Variants in PTK7 observed in about 807,000 individuals in gnomAD.
PTK7 encodes the protein protein tyrosine kinase 7 (inactive).
A neutral mutation model predicts 116.6 loss-of-function variants in PTK7; 39 were observed. That is an observed-to-expected ratio of 0.33 (90% confidence interval 0.26 to 0.44). The LOEUF (loss-of-function observed/expected upper bound fraction) is 0.44, where lower values mean the gene tolerates loss of function less well. Among genes scored for constraint, PTK7 ranks in the 20% least tolerant of loss-of-function variants. PTK7 has a pLI of 1.00. For synonymous variants in PTK7, 546 were observed against 563.6 expected, an observed-to-expected ratio of 0.97 and a Z score of 0.44; for missense variants, 1,169 against 1,425.6, an observed-to-expected ratio of 0.82 and a Z score of 2.90.
At chr6:43,092,900 A>G (rs899398534) in intron 1 of PTK7, among the ~76,000 whole-genome samples, 1 of 152,212 alleles carries the variant, frequency 6.6e-6, no homozygotes, top group Non-Finnish European at 1.5e-5. Flanking sequence ...TGTGATGGTT[A>G]TAACTGTAAT....
At chr6:43,115,927 CAAAAAAAAA>C (rs886959744) in intron 1 of PTK7, among the ~76,000 whole-genome samples, 2 of 27,324 alleles carry the variant, frequency 7.3e-5, no homozygotes, top group Non-Finnish European at 1.5e-4. Context: ...GACTCCATCT[CAAAAAAAAA>C]AAAAAAAAAA....
chr6:43,114,399 A>T (rs1768375406), intron 1 of PTK7, among the ~76,000 whole-genome samples: 1 of 150,126 alleles, frequency 6.7e-6, no homozygotes, highest in South Asian at 2.1e-4. Context: ...TGTCTCTCTC[A>T]ATTTCTTCTG....
rs1766031777 is a variant in PTK7 at position 43,076,668 on chromosome 6, C to T, written c.79+101C>T. On this transcript the variant is annotated intron_variant, in intron 1 of 19. Transcript: ENST00000230419. The surrounding 1 kb of genome is among the most constrained non-coding windows in gnomAD (Gnocchi z 5.7). ...GGTGGGTTTGGGCGGCTGGAACGGC[C>T]CTGGAGTAGTGGAGAGGCTCGCTGG... 7.0e-7 allele frequency: 1 copy of T among 1,435,654 alleles called. No individual in the cohort carries two copies. The highest frequency in any genetic ancestry group is 9.3e-7 in the Non-Finnish European group (1 of 1,076,720). 88.9% of individuals were successfully genotyped at this position (1,435,654 alleles called of 1,614,324 possible).
chr6:43,135,666 G>A (rs772227628), intron 7 of PTK7, among the ~76,000 whole-genome samples: 12 of 152,228 alleles, frequency 7.9e-5, no homozygotes, highest in Non-Finnish European at 1.3e-4. Flanking sequence ...GGCTTGAGTT[G>A]AATAAACGAT....
intron 18 of PTK7, 188 bp from the exon 19 acceptor site, chr6:43,159,600 G>A (rs910973087): frequency 2.5e-5 from 15 of 608,102 alleles, no homozygotes; most frequent in Middle Eastern, 2.6e-4. Context: ...CAAACCTCTC[G>A]TGTGGTTACC....
Position 43,145,348 on chromosome 6 carries a change from G to C in PTK7, c.2556G>C (p.Lys852Asn). ...GGAGGGAGTTGGAGATGTTTGGGAA[G>C]CTGAACCACGCCAACGTGGTGCGGC... ...DFRRELEMFG[K>N]LNHANVVRLL... Residue 852 changes from lysine (K) to asparagine (N), a missense_variant, in exon 16 of 20, where the codon AAG (lysine) becomes AAC (asparagine). Coordinates refer to ENST00000230419, the MANE Select transcript of PTK7 (RefSeq NM_002821.5). The surrounding 1 kb of genome is among the most constrained non-coding windows in gnomAD (Gnocchi z 4.8). The C allele has an allele frequency of 6.2e-7, 1 of 1,613,802 alleles. No individual in the cohort carries two copies. The highest frequency in any genetic ancestry group is 8.5e-7 in the Non-Finnish European group (1 of 1,179,856).
chr6:43,122,004 T>C (rs1768993234), intron 1 of PTK7, among the ~76,000 whole-genome samples: 1 of 152,116 alleles, frequency 6.6e-6, no homozygotes, highest in Non-Finnish European at 1.5e-5. Flanking sequence ...TAGCTGGGCA[T>C]GCAGGCACGT....
chr6:43,076,719 G>A lies in PTK7; in HGVS notation c.79+152G>A. Reference sequence around the variant, plus strand: ...GGGTGCAGGCTTGCGGCGGAAGGGCGCAAGGAGCCCGGGTGTCGGGAGGCT... The same window carrying A: ...GGGTGCAGGCTTGCGGCGGAAGGGCACAAGGAGCCCGGGTGTCGGGAGGCT... On this transcript the variant is annotated intron_variant, in intron 1 of 19. Transcript: ENST00000230419. This position sits in a 1 kb window ranked among gnomAD's most constrained non-coding sequence, Gnocchi z 5.7. 2 of 1,377,864 alleles carry A rather than the reference G, an allele frequency of 1.5e-6. No homozygotes were observed. The highest frequency in any genetic ancestry group is 1.9e-6 in the Non-Finnish European group (2 of 1,051,902). The allele number at this position is 1,377,864 out of a possible 1,614,324, so 85.4% of individuals were successfully genotyped here. A position where few individuals can be genotyped will look rare whatever the true frequency, so the allele number is the denominator to read the frequency against.
intron 17 of PTK7, among the ~76,000 whole-genome samples, chr6:43,156,387 A>G (rs1043317028): frequency 6.6e-6 from 1 of 151,958 alleles, no homozygotes; most frequent in Non-Finnish European, 1.5e-5. Context: ...GGATTGCTTG[A>G]TCCCAGGAGT....
intron 1 of PTK7, among the ~76,000 whole-genome samples, chr6:43,114,616 G>GT (rs1010586355): frequency 6.6e-6 from 1 of 152,036 alleles, no homozygotes. Context: ...TAAACTTGAG[G>GT]TTTTTTGTCA....
At chr6:43,156,121 T>C (rs2150478167) in intron 17 of PTK7, among the ~76,000 whole-genome samples, 1 of 147,420 alleles carries the variant, frequency 6.8e-6, no homozygotes, top group East Asian at 2.0e-4. Context: ...CCCAGCTGCT[T>C]GGGAGGCTGA....
chr6:43,157,349 TATATATATATA>T (rs1458099515), intron 17 of PTK7, among the ~76,000 whole-genome samples: 1,380 of 11,462 alleles, frequency 0.12, 210 homozygotes, highest in African/African-American at 0.2. Context: ...TATATATATA[TATATATATATA>T]TATATTTTTT....
chr6:43,114,041 G>C (rs1293768648), intron 1 of PTK7, among the ~76,000 whole-genome samples: 1 of 152,210 alleles, frequency 6.6e-6, no homozygotes, highest in East Asian at 1.9e-4. Context: ...TGCGGCCCCA[G>C]GGCTGCTGGG....
At chr6:43,131,713 T>C in intron 5 of PTK7, 1 of 409,244 alleles carries the variant, frequency 2.4e-6, no homozygotes, top group South Asian at 2.3e-5. Context: ...AGCTACAATT[T>C]AAGATGAGAT....
At chr6:43,113,380 C>G (rs1033427751) in intron 1 of PTK7, among the ~76,000 whole-genome samples, 3 of 152,072 alleles carry the variant, frequency 2.0e-5, no homozygotes, top group Non-Finnish European at 4.4e-5. Flanking sequence ...TTGCAGTGAG[C>G]CAAGATCGCA....
In PTK7 at chr6:43,141,295, G is replaced by C. The variant is rs745532698; in HGVS notation, c.1619-373G>C. 6.6e-6 allele frequency among the ~76,000 whole-genome samples: 1 copy of C among 152,144 alleles called. No homozygotes were observed. Among genetic ancestry groups the C allele is most frequent in the Non-Finnish European group, 1.5e-5 (1 of 68,038 alleles). On this transcript the variant is annotated intron_variant, in intron 10 of 19. Transcript: ENST00000230419. The surrounding 1 kb of genome is among the most constrained non-coding windows in gnomAD (Gnocchi z 4.9). ...AAGTAGGCTCCCTCTGCTCAGGTCTGGGGGAACTTTCTGGGAGAGGTGAGG... is the reference window on the plus strand; with the variant it reads ...AAGTAGGCTCCCTCTGCTCAGGTCTCGGGGAACTTTCTGGGAGAGGTGAGG...
chr6:43,090,769 T>C (rs1766903360), intron 1 of PTK7, among the ~76,000 whole-genome samples: 1 of 152,200 alleles, frequency 6.6e-6, no homozygotes, highest in Non-Finnish European at 1.5e-5. Context: ...CCTTCCTTCT[T>C]CTACTCCCAG....
intron 1 of PTK7, among the ~76,000 whole-genome samples, chr6:43,086,102 G>T (rs1437579018): frequency 1.3e-5 from 2 of 152,196 alleles, no homozygotes; most frequent in African/African-American, 4.8e-5. Flanking sequence ...TCTCCCAAGG[G>T]GTGGGTTGGT....
intron 17 of PTK7, among the ~76,000 whole-genome samples, chr6:43,152,661 T>A (rs948802568): frequency 2.0e-5 from 3 of 152,224 alleles, no homozygotes; most frequent in African/African-American, 7.2e-5. Flanking sequence ...TCAATATAGT[T>A]GTCACTAGCT....
Sources: allele counts gnomAD v4.1 joint callset (sites outside exome capture counted in the v4.1 genomes callset), GRCh38; gene constraint gnomAD v4.1.1; non-coding constraint Gnocchi (gnomAD v3.1); transcripts MANE v1.5; gene names NCBI Gene and HGNC (gene_info 2026-07-23, HGNC 2026-07-21).